The following SLC9C1 variants were observed in gnomAD, a reference collection of about 807,000 sequenced individuals.
SLC9C1 encodes sodium/hydrogen exchanger 10.
SLC9C1 carries 97 observed loss-of-function variants against 140.9 expected under a neutral mutation model. The ratio of observed to expected loss-of-function variants is 0.69; its 90% CI spans 0.58 to 0.82. The LOEUF is 0.82. Ranked by LOEUF, SLC9C1 falls within the 40% of genes least tolerant of loss-of-function variation. SLC9C1 has a pLI of 0.00. For missense variants in SLC9C1, 1,340 were observed against 1,389.3 expected, an observed-to-expected ratio of 0.96 and a Z score of 0.56; for synonymous variants, 440 against 442.6, an observed-to-expected ratio of 0.99 and a Z score of 0.07.
chr3:112,293,633 CA>C (rs2080754130), intron 1 of SLC9C1, among the ~76,000 whole-genome samples: 1 of 152,164 alleles, frequency 6.6e-6, no homozygotes, highest in African/African-American at 2.4e-5. Context: ...TCTCCTACCA[CA>C]CAACGCAGAC....
At chr3:112,261,866 C>G (rs959965003) in intron 10 of SLC9C1, among the ~76,000 whole-genome samples, 2 of 151,994 alleles carry the variant, frequency 1.3e-5, no homozygotes, top group Non-Finnish European at 2.9e-5. Context: ...CTCTTACTAG[C>G]TCATGAGAGC....
chr3:112,228,675 C>T (rs191103091), intron 13 of SLC9C1, among the ~76,000 whole-genome samples: 81 of 152,090 alleles, frequency 5.3e-4, no homozygotes, highest in Admixed American at 1.9e-3. Context: ...AGAACTCAAA[C>T]CACCCAACAG....
intron 11 of SLC9C1, 123 bp from the exon 12 acceptor site, chr3:112,240,129 G>A (rs2079101751): frequency 2.3e-6 from 2 of 888,648 alleles, no homozygotes; most frequent in Admixed American, 3.1e-5. Flanking sequence ...AACATAAACT[G>A]TTTAATAATG....
At chr3:112,283,953 A>G (rs2080432289) in intron 2 of SLC9C1, among the ~76,000 whole-genome samples, 1 of 152,186 alleles carries the variant, frequency 6.6e-6, no homozygotes, top group South Asian at 2.1e-4. Context: ...ATGCACAGAT[A>G]GCAAAGCACA....
intron 1 of SLC9C1, among the ~76,000 whole-genome samples, chr3:112,292,524 G>T (rs1161185654): frequency 2.0e-5 from 3 of 152,102 alleles, no homozygotes; most frequent in African/African-American, 4.8e-5. Flanking sequence ...TAAGGAAATA[G>T]CTATGAGAAT....
intron 10 of SLC9C1, among the ~76,000 whole-genome samples, chr3:112,253,862 G>A (rs1039207568): frequency 3.3e-5 from 5 of 152,126 alleles, no homozygotes; most frequent in East Asian, 1.9e-4. Context: ...AAACCAATCC[G>A]AGGAAGCTAA....
chr3:112,209,386 C>T (rs1011829479), intron 15 of SLC9C1, among the ~76,000 whole-genome samples: 3 of 152,142 alleles, frequency 2.0e-5, no homozygotes, highest in African/African-American at 7.2e-5. Flanking sequence ...TTGATCTCTT[C>T]CAGCAGCAAA....
In SLC9C1 at chr3:112,202,346, C is replaced by A; in HGVS notation, c.2226G>T (p.Lys742Asn). 1 of 1,608,784 alleles carries A rather than the reference C, an allele frequency of 6.2e-7. No individual in the cohort carries two copies. The change falls in exon 18 of 29, where the codon AAG becomes AAT. Residue 742 changes from lysine (K) to asparagine (N), a missense_variant. Coordinates refer to ENST00000305815, the MANE Select transcript of SLC9C1 (RefSeq NM_183061.3). ...QIIDKRMSHQ[K>N]TFWYGILKGY... ...CTTTTAGTATTCCATACCAAAAGGT[C>A]TTCTGATGACTCATTCTTTTATCTA...
chr3:112,215,512 C>A (rs1265449781), intron 15 of SLC9C1, among the ~76,000 whole-genome samples: 1 of 152,068 alleles, frequency 6.6e-6, no homozygotes, highest in African/African-American at 2.4e-5. Context: ...TCAGCAAAGT[C>A]CCAGGATAAA....
chr3:112,239,761 A>T lies in SLC9C1; in HGVS notation c.1446+79T>A. The T allele has an allele frequency of 2.4e-6, 3 of 1,270,686 alleles. No individual in the cohort carries two copies. The South Asian group carries it at 5.0e-5, about 21-fold the overall frequency. 78.7% of individuals were successfully genotyped at this position (1,270,686 alleles called of 1,614,324 possible). On this transcript the variant is annotated intron_variant, in intron 12 of 28. Transcript: ENST00000305815. ...CAATTACAAATATTAAAACTTGTGAATTAATATTTATGATCTGATTTATAC... is the reference window on the plus strand; with the variant it reads ...CAATTACAAATATTAAAACTTGTGATTTAATATTTATGATCTGATTTATAC...
At chr3:112,288,754 T>A (rs2080593752) in intron 1 of SLC9C1, among the ~76,000 whole-genome samples, 1 of 152,130 alleles carries the variant, frequency 6.6e-6, no homozygotes, top group Non-Finnish European at 1.5e-5. Context: ...AGTGATACCT[T>A]GTCTCTAAAA....
At chr3:112,231,130 C>T (rs1408757721) in intron 13 of SLC9C1, among the ~76,000 whole-genome samples, 2 of 151,136 alleles carry the variant, frequency 1.3e-5, no homozygotes, top group Non-Finnish European at 1.5e-5. Context: ...TCGTCTCTCT[C>T]TCTCTCTTTT....
chr3:112,153,800 C>T (rs1162104140), intron 27 of SLC9C1, among the ~76,000 whole-genome samples: 1 of 152,182 alleles, frequency 6.6e-6, no homozygotes, highest in African/African-American at 2.4e-5. Context: ...CAGAAAGTCT[C>T]ATACCAGAGC....
At chr3:112,178,330 A>G (rs1407566307) in intron 23 of SLC9C1, among the ~76,000 whole-genome samples, 1 of 151,536 alleles carries the variant, frequency 6.6e-6, no homozygotes, top group Non-Finnish European at 1.5e-5. Context: ...TTTTGCAGAT[A>G]TGTTGCAGGC....
At chr3:112,178,386 C>T (rs2077378769) in intron 23 of SLC9C1, among the ~76,000 whole-genome samples, 1 of 152,126 alleles carries the variant, frequency 6.6e-6, no homozygotes, top group Non-Finnish European at 1.5e-5. Flanking sequence ...CCCCAGCCTC[C>T]CAAAGTTTTG....
intron 26 of SLC9C1, among the ~76,000 whole-genome samples, chr3:112,159,866 GAT>G (rs1384730185): frequency 1.3e-5 from 2 of 151,784 alleles, no homozygotes; most frequent in Non-Finnish European, 2.9e-5. Flanking sequence ...CATTTTATCT[GAT>G]ATAAGTTTAG....
chr3:112,224,459 C>G (rs1398193532), intron 13 of SLC9C1, among the ~76,000 whole-genome samples: 1 of 151,946 alleles, frequency 6.6e-6, no homozygotes, highest in African/African-American at 2.4e-5. Flanking sequence ...AGTTCACCAG[C>G]AACTGGTCCC....
intron 18 of SLC9C1, 81 bp downstream of exon 18, chr3:112,202,169 A>C: frequency 2.0e-6 from 3 of 1,476,556 alleles, no homozygotes; most frequent in South Asian, 2.5e-5. Flanking sequence ...AGACATCTGC[A>C]TATATGAACA....
chr3:112,284,988 T>TTTC (rs1364797715), intron 2 of SLC9C1, among the ~76,000 whole-genome samples: 7 of 136,032 alleles, frequency 5.1e-5, no homozygotes, highest in African/African-American at 1.6e-4. Flanking sequence ...AATTTTTCTT[T>TTTC]TTTTTTTTTT....
Sources: allele counts gnomAD v4.1 joint callset (sites outside exome capture counted in the v4.1 genomes callset), GRCh38; gene constraint gnomAD v4.1.1; transcripts MANE v1.5; gene names NCBI Gene and HGNC (gene_info 2026-07-23, HGNC 2026-07-21).